The following PREP variants were observed in gnomAD, a reference collection of about 807,000 sequenced individuals.
PREP encodes the protein prolyl endopeptidase.
PREP carries 29 observed loss-of-function variants against 87.6 expected under a neutral mutation model. That is an observed-to-expected ratio of 0.33 (90% confidence interval 0.25 to 0.45). The LOEUF (loss-of-function observed/expected upper bound fraction) is 0.45. Ranked by LOEUF, PREP falls within the 20% of genes least tolerant of loss-of-function variation. PREP has a pLI of 1.00. For missense variants in PREP, 695 were observed against 886.5 expected, an observed-to-expected ratio of 0.78 and a Z score of 2.74; for synonymous variants, 337 against 328.6, an observed-to-expected ratio of 1.03 and a Z score of -0.28.
chr6:105,336,325 T>C (rs1203711238), intron 7 of PREP, among the ~76,000 whole-genome samples: 4 of 152,200 alleles, frequency 2.6e-5, no homozygotes, highest in East Asian at 3.8e-4. Flanking sequence ...TCTGAAGTTG[T>C]TGGGTGTCAA....
intron 10 of PREP, among the ~76,000 whole-genome samples, chr6:105,321,931 G>C (rs1043164305): frequency 1.3e-5 from 2 of 152,150 alleles, no homozygotes; most frequent in Non-Finnish European, 2.9e-5. Context: ...GCAGAGGAGA[G>C]AACACTTGCT....
chr6:105,387,406 A>G (rs946551705), intron 2 of PREP, among the ~76,000 whole-genome samples: 4 of 152,166 alleles, frequency 2.6e-5, no homozygotes, highest in Admixed American at 6.5e-5. Flanking sequence ...TTAAATGTAT[A>G]CAAGTACTTG....
intron 4 of PREP, among the ~76,000 whole-genome samples, chr6:105,375,336 T>C (rs1490508557): frequency 6.6e-6 from 1 of 152,234 alleles, no homozygotes; most frequent in South Asian, 2.1e-4. Context: ...TGGTTTTTTC[T>C]ATAAAACCAG....
chr6:105,395,710 C>G (rs972533909), intron 2 of PREP, among the ~76,000 whole-genome samples: 1 of 152,184 alleles, frequency 6.6e-6, no homozygotes, highest in Non-Finnish European at 1.5e-5. Context: ...AACTAAGGAA[C>G]AGCAAAGTAT....
At position 105,333,208 on chromosome 6, in the gene PREP, A is replaced by C. The variant is rs75383916; in HGVS notation, c.1015+106T>G. 2,398 of 1,087,012 alleles carry C rather than the reference A, an allele frequency of 2.2e-3. 36 individuals carry two copies. The African/African-American group carries it at 0.034, about 15-fold the overall frequency. 67.3% of individuals were successfully genotyped at this position (1,087,012 alleles called of 1,614,324 possible). On this transcript the variant is annotated intron_variant, in intron 8 of 14. Transcript: ENST00000652536. ...TTCATTCCTGATGATTACAGGTTGA[A>C]GGTTTTTTACCTTGTAACAGATCAC...
intron 6 of PREP, among the ~76,000 whole-genome samples, chr6:105,357,462 T>C (rs1772128656): frequency 6.6e-6 from 1 of 152,230 alleles, no homozygotes; most frequent in Admixed American, 6.5e-5. Context: ...CCAAGGTACA[T>C]TGCTGTTATA....
chr6:105,306,765 C>T (rs1770665510), intron 10 of PREP, among the ~76,000 whole-genome samples: 1 of 151,766 alleles, frequency 6.6e-6, no homozygotes, highest in Non-Finnish European at 1.5e-5. Flanking sequence ...CCGCCCCCAC[C>T]ACCCCCTTCA....
intron 7 of PREP, among the ~76,000 whole-genome samples, chr6:105,339,242 T>C (rs550197181): frequency 6.6e-6 from 1 of 152,274 alleles, no homozygotes; most frequent in South Asian, 2.1e-4. Context: ...TGCTGTTCTG[T>C]AGCCTCTACT....
In PREP at chr6:105,277,660, C is replaced by T. The variant is rs1039186052; in HGVS notation, c.*484G>A. 6.4e-6 allele frequency: 1 copy of T among 155,954 alleles called. No individual in the cohort carries two copies. Among genetic ancestry groups the T allele is most frequent in the African/African-American group, 2.4e-5 (1 of 41,478 alleles). 9.7% of individuals were successfully genotyped at this position (155,954 alleles called of 1,614,324 possible). A position where few individuals can be genotyped will look rare whatever the true frequency, so the allele number is the denominator to read the frequency against. On this transcript the variant is annotated 3_prime_UTR_variant, in exon 15 of 15. Coordinates refer to ENST00000652536, the MANE Select transcript of PREP (RefSeq NM_002726.5). The stretch of plus-strand genomic sequence containing the variant: ...AGAAAGGTGAAATGCTTTATTCTCA[C>T]AGAAAACTCCACTTCTGGAGTTGCC...
At chr6:105,322,890 T>C (rs1413297973) in intron 10 of PREP, 20 of 1,182,484 alleles carry the variant, frequency 1.7e-5, no homozygotes, top group Non-Finnish European at 2.1e-5. Flanking sequence ...CACAGAAACA[T>C]TGTGGGGAAC....
At chr6:105,306,464 C>T (rs1433830942) in intron 10 of PREP, among the ~76,000 whole-genome samples, 3 of 152,174 alleles carry the variant, frequency 2.0e-5, no homozygotes, top group Non-Finnish European at 4.4e-5. Context: ...GTTAGGCTTC[C>T]TGACCCCTCA....
chr6:105,362,021 G>A (rs917661213), intron 6 of PREP, among the ~76,000 whole-genome samples: 12 of 152,072 alleles, frequency 7.9e-5, no homozygotes, highest in African/African-American at 2.9e-4. Context: ...TGTGTTGCTC[G>A]GTATGCCAGA....
At chr6:105,395,693 C>T (rs1773270938) in intron 2 of PREP, among the ~76,000 whole-genome samples, 1 of 152,226 alleles carries the variant, frequency 6.6e-6, no homozygotes, top group Admixed American at 6.5e-5. Context: ...ACGAACCTGT[C>T]ATTATCAACT....
At position 105,281,902 on chromosome 6, in the gene PREP, G is replaced by C. The variant is rs1770089558; in HGVS notation, c.1682C>G (p.Ala561Gly). The C allele has an allele frequency of 5.0e-6, 8 of 1,613,062 alleles. No homozygotes were observed. Among genetic ancestry groups the C allele is most frequent in the Non-Finnish European group, 6.8e-6 (8 of 1,179,718 alleles). The change falls in exon 14 of 15, where the codon GCT becomes GGT. Residue 561 changes from alanine (A) to glycine (G), a missense_variant and splice_region_variant. Coordinates refer to ENST00000652536, the MANE Select transcript of PREP (RefSeq NM_002726.5). The part of the protein sequence containing the change: ...NGGSNGGLLV[A>G]ACANQRPDLF... ...GTCAGGTCTCTGATTTGCACAAGCA[G>C]CTAAAAGCCCAACGTAGAAAGAAAA...
intron 14 of PREP, among the ~76,000 whole-genome samples, chr6:105,279,976 G>A (rs1238364766): frequency 6.6e-6 from 1 of 152,028 alleles, no homozygotes; most frequent in African/African-American, 2.4e-5. Flanking sequence ...GTGTCAATGA[G>A]GCCTGCATGT....
chr6:105,352,869 G>T, intron 7 of PREP, 103 bp downstream of exon 7: 2 of 988,200 alleles, frequency 2.0e-6, no homozygotes, highest in South Asian at 1.5e-5. Flanking sequence ...ACATGATGTG[G>T]TAGAATGGAA....
At chr6:105,280,187 T>C (rs955418971) in intron 14 of PREP, among the ~76,000 whole-genome samples, 2 of 152,152 alleles carry the variant, frequency 1.3e-5, no homozygotes, top group Non-Finnish European at 2.9e-5. Context: ...TCCCAGCTAC[T>C]CAGGTGGCTG....
chr6:105,402,095 T>C (rs1010671981), intron 1 of PREP, among the ~76,000 whole-genome samples: 10 of 152,132 alleles, frequency 6.6e-5, no homozygotes, highest in African/African-American at 2.2e-4. Context: ...CTTAGGCAAA[T>C]GGTGGTCAAC....
At chr6:105,330,678 G>C (rs143341254) in intron 8 of PREP, among the ~76,000 whole-genome samples, 162 of 152,268 alleles carry the variant, frequency 1.1e-3, no homozygotes, top group African/African-American at 3.5e-3. Context: ...ATGTGGAAGG[G>C]GGGGGTTCTT....
Sources: gnomAD v4.1 joint callset for allele counts (sites outside exome capture counted in the v4.1 genomes callset) on GRCh38, gnomAD v4.1.1 for gene constraint, MANE v1.5 for transcripts, NCBI Gene and HGNC (gene_info 2026-07-23, HGNC 2026-07-21) for gene names.